CDKAL1: variants seen among roughly 807,000 people sequenced by gnomAD.
CDKAL1 encodes CDKAL1 threonylcarbamoyladenosine tRNA methylthiotransferase, also known as threonylcarbamoyladenosine tRNA methylthiotransferase.
CDKAL1 carries 32 observed loss-of-function variants against 68.2 expected under a neutral mutation model. That is an observed-to-expected ratio of 0.47 (90% CI 0.35 to 0.63). The LOEUF (loss-of-function observed/expected upper bound fraction) is 0.63. Ranked by LOEUF, CDKAL1 falls within the 30% of genes least tolerant of loss-of-function variation. The pLI is 0.00. For synonymous variants in CDKAL1, 234 were observed against 244.3 expected, an observed-to-expected ratio of 0.96 and a Z score of 0.39; for missense variants, 606 against 696.7, an observed-to-expected ratio of 0.87 and a Z score of 1.47.
chr6:20,824,749 T>C (rs1179938704), intron 8 of CDKAL1, among the ~76,000 whole-genome samples: 1 of 152,134 alleles, frequency 6.6e-6, no homozygotes. Context: ...TGCCTACACG[T>C]AGGGGGAAAG....
intron 8 of CDKAL1, among the ~76,000 whole-genome samples, chr6:20,822,475 C>T (rs910163949): frequency 3.3e-5 from 5 of 152,258 alleles, no homozygotes; most frequent in South Asian, 4.2e-4. Context: ...CGATACTTCT[C>T]GGATAACAGT....
At chr6:20,768,397 G>A (rs1239439939) in intron 7 of CDKAL1, among the ~76,000 whole-genome samples, 1 of 152,170 alleles carries the variant, frequency 6.6e-6, no homozygotes, top group African/African-American at 2.4e-5. Context: ...ATTTTAGATA[G>A]TGATCTCTAG....
chr6:20,877,813 T>A (rs1370098800), intron 9 of CDKAL1, among the ~76,000 whole-genome samples: 5 of 152,230 alleles, frequency 3.3e-5, no homozygotes, highest in African/African-American at 1.2e-4. Context: ...TGTCTGTAGT[T>A]GGCTTTGTAT....
chr6:20,840,527 A>T (rs1378990829), intron 8 of CDKAL1, among the ~76,000 whole-genome samples: 1 of 152,360 alleles, frequency 6.6e-6, no homozygotes, highest in East Asian at 1.9e-4. Flanking sequence ...ACAATTGAAG[A>T]TAGAGACAGG....
At chr6:21,208,005 T>A (rs1403206602) in intron 15 of CDKAL1, among the ~76,000 whole-genome samples, 2 of 149,660 alleles carry the variant, frequency 1.3e-5, no homozygotes, top group Admixed American at 6.6e-5. Context: ...TTCTTCCTCT[T>A]ACTCTTTATG....
chr6:20,673,314 G>A lies in CDKAL1; in HGVS notation c.371+23937G>A, dbSNP rs557974947. Reference sequence around the variant, plus strand: ...AAGATCTGCCATTGCTCAAGTGCCTGATATTAAATGGGCGTAGTACTTGCA... The same window carrying A: ...AAGATCTGCCATTGCTCAAGTGCCTAATATTAAATGGGCGTAGTACTTGCA... On this transcript the variant is annotated intron_variant, in intron 5 of 15. Transcript: ENST00000274695. 1.5e-3 allele frequency among the ~76,000 whole-genome samples: 221 copies of A among 152,292 alleles called. 1 individual carries two copies. Among genetic ancestry groups the A allele is most frequent in the African/African-American group, 5.2e-3 (215 of 41,562 alleles).
intron 4 of CDKAL1, chr6:20,558,936 T>C (rs1764163634): frequency 4.2e-6 from 1 of 238,744 alleles, no homozygotes; most frequent in Non-Finnish European, 8.3e-6. Context: ...GCCCTTAATA[T>C]GTTTTAAAAG....
At chr6:20,980,199 A>C (rs1372250278) in intron 10 of CDKAL1, among the ~76,000 whole-genome samples, 1 of 56,930 alleles carries the variant, frequency 1.8e-5, no homozygotes, top group East Asian at 3.5e-4. Flanking sequence ...ATAGATAGAT[A>C]TAGATATAGA....
chr6:21,119,677 T>G (rs979624441), intron 13 of CDKAL1, among the ~76,000 whole-genome samples: 3 of 152,228 alleles, frequency 2.0e-5, no homozygotes, highest in Non-Finnish European at 4.4e-5. Flanking sequence ...TTTATACTTA[T>G]ATTTTCTTAG....
At chr6:20,977,750 C>T (rs554072958) in intron 10 of CDKAL1, among the ~76,000 whole-genome samples, 11 of 152,168 alleles carry the variant, frequency 7.2e-5, no homozygotes, top group African/African-American at 2.6e-4. Context: ...TGGTGATGCA[C>T]ATGTGTAGTC....
rs368535492 is a variant in CDKAL1 at position 20,875,476 on chromosome 6, CTT to C, written c.742+29299_742+29300del. 2.2e-4 allele frequency among the ~76,000 whole-genome samples: 33 copies of C among 152,212 alleles called. No homozygotes were observed. In the East Asian group the frequency reaches 6.4e-3, roughly 29 times the overall value. ...AAGAAAAAAAATAGTGCTTCCCACT[CTT>C]ATAAAATGTTTCAGTATGTACAGTT... On this transcript the variant is annotated intron_variant, in intron 9 of 15. Transcript: ENST00000274695.
At chr6:20,564,565 G>C (rs1053098012) in intron 4 of CDKAL1, among the ~76,000 whole-genome samples, 7 of 152,062 alleles carry the variant, frequency 4.6e-5, no homozygotes, top group South Asian at 2.1e-4. Flanking sequence ...TTTTGAAATG[G>C]TTTGGAAATT....
intron 10 of CDKAL1, among the ~76,000 whole-genome samples, chr6:20,988,681 C>T (rs958022700): frequency 2.0e-5 from 3 of 151,880 alleles, no homozygotes; most frequent in Admixed American, 6.6e-5. Flanking sequence ...GACTGAGTAT[C>T]GCTCTGTCGC....
At chr6:21,077,162 T>G (rs1374180776) in intron 12 of CDKAL1, among the ~76,000 whole-genome samples, 1 of 152,216 alleles carries the variant, frequency 6.6e-6, no homozygotes, top group Non-Finnish European at 1.5e-5. Flanking sequence ...TTAGGTGCTT[T>G]CTTTTTCTAG....
intron 5 of CDKAL1, 132 bp from the exon 6 acceptor site, chr6:20,739,387 A>C: frequency 1.8e-6 from 1 of 553,960 alleles, no homozygotes; most frequent in Non-Finnish European, 3.2e-6. Flanking sequence ...TTCTTTAACC[A>C]GTTGTAAGAA....
intron 6 of CDKAL1, among the ~76,000 whole-genome samples, chr6:20,745,941 T>A (rs1488611717): frequency 6.6e-6 from 1 of 152,240 alleles, no homozygotes; most frequent in Non-Finnish European, 1.5e-5. Flanking sequence ...TATCACTTTT[T>A]AAATTATCTT....
chr6:20,705,353 C>G (rs1473403544), intron 5 of CDKAL1, among the ~76,000 whole-genome samples: 1 of 152,046 alleles, frequency 6.6e-6, no homozygotes, highest in African/African-American at 2.4e-5. Flanking sequence ...CATTTTAAAG[C>G]AAGTATCAAT....
intron 15 of CDKAL1, among the ~76,000 whole-genome samples, chr6:21,228,873 CA>C (rs1779851199): frequency 6.6e-6 from 1 of 152,104 alleles, no homozygotes; most frequent in Non-Finnish European, 1.5e-5. Flanking sequence ...AACCTCACTC[CA>C]AAATATTACG....
chr6:20,922,720 G>A (rs1314507649), intron 9 of CDKAL1, among the ~76,000 whole-genome samples: 1 of 152,184 alleles, frequency 6.6e-6, no homozygotes, highest in Non-Finnish European at 1.5e-5. Context: ...CAGAGACATA[G>A]AAGTTTGTAT....
Sources: allele counts gnomAD v4.1 joint callset (sites outside exome capture counted in the v4.1 genomes callset), GRCh38; gene constraint gnomAD v4.1.1; transcripts MANE v1.5; gene names NCBI Gene and HGNC (gene_info 2026-07-23, HGNC 2026-07-21).